PLD5: variants seen among roughly 807,000 people sequenced by gnomAD.
PLD5 encodes the protein phospholipase D family member 5, also known as inactive phospholipase D5.
PLD5 carries 36 observed loss-of-function variants against 61.1 expected under a neutral mutation model. The ratio of observed to expected loss-of-function variants is 0.59; its 90% confidence interval spans 0.45 to 0.78. PLD5 has a LOEUF of 0.78. Ranked by LOEUF, PLD5 falls within the 30% of genes least tolerant of loss-of-function variation. The probability of loss-of-function intolerance (pLI) is 0.00; values close to 1 mark genes in which losing one functional copy is unlikely to be tolerated. For missense variants in PLD5, 515 were observed against 644.4 expected, an observed-to-expected ratio of 0.80 and a Z score of 2.17; for synonymous variants, 243 against 242.8, an observed-to-expected ratio of 1.00 and a Z score of -0.01.
intron 1 of PLD5, among the ~76,000 whole-genome samples, chr1:242,511,643 C>G (rs1439168436): frequency 1.3e-5 from 2 of 151,634 alleles, no homozygotes; most frequent in Admixed American, 6.6e-5. Flanking sequence ...AAGACCTGAT[C>G]TGTATGCCTT....
At chr1:242,252,326 T>A (rs1234699428) in intron 4 of PLD5, among the ~76,000 whole-genome samples, 1 of 152,004 alleles carries the variant, frequency 6.6e-6, no homozygotes, top group East Asian at 1.9e-4. Flanking sequence ...GTCCACGGAG[T>A]CACAGAAGTA....
At chr1:242,230,575 T>C (rs1671235254) in intron 4 of PLD5, among the ~76,000 whole-genome samples, 1 of 152,162 alleles carries the variant, frequency 6.6e-6, no homozygotes, top group African/African-American at 2.4e-5. Flanking sequence ...ATTACCAACA[T>C]TTTAGAATTC....
At chr1:242,279,278 A>C (rs997289441) in intron 3 of PLD5, among the ~76,000 whole-genome samples, 4 of 152,186 alleles carry the variant, frequency 2.6e-5, no homozygotes, top group Non-Finnish European at 5.9e-5. Context: ...AAAGTTGAAC[A>C]ATGTTTATTA....
chr1:242,508,850 G>A (rs189287734), intron 1 of PLD5, among the ~76,000 whole-genome samples: 12 of 152,320 alleles, frequency 7.9e-5, no homozygotes, highest in Admixed American at 6.5e-4. Flanking sequence ...GGAGGCCAAG[G>A]CAGGTGGATC....
At chr1:242,452,822 C>T (rs974702414) in intron 1 of PLD5, among the ~76,000 whole-genome samples, 7 of 152,018 alleles carry the variant, frequency 4.6e-5, no homozygotes, top group African/African-American at 1.7e-4. Context: ...CCCCCCACCC[C>T]TGATGTGGAC....
At chr1:242,349,297 G>A (rs1660341089) in intron 1 of PLD5, among the ~76,000 whole-genome samples, 1 of 152,162 alleles carries the variant, frequency 6.6e-6, no homozygotes, top group Non-Finnish European at 1.5e-5. Flanking sequence ...GCTTCAGAGA[G>A]AATAGATTGT....
chr1:242,396,574 C>T (rs1663582871), intron 1 of PLD5, among the ~76,000 whole-genome samples: 2 of 152,094 alleles, frequency 1.3e-5, no homozygotes, highest in South Asian at 2.1e-4. Context: ...GCTCCCAATC[C>T]TCACCTTACT....
chr1:242,228,193 A>T (rs183292747), intron 4 of PLD5, among the ~76,000 whole-genome samples: 2 of 152,318 alleles, frequency 1.3e-5, no homozygotes, highest in African/African-American at 4.8e-5. Context: ...TCCAGTGAAG[A>T]TAAGGAAAGT....
intron 6 of PLD5, among the ~76,000 whole-genome samples, chr1:242,120,174 G>A (rs991155138): frequency 6.6e-5 from 10 of 152,194 alleles, no homozygotes; most frequent in South Asian, 2.1e-4. Context: ...CTGAGAGAAG[G>A]GAAAATAGTG....
At chr1:242,153,212 G>A (rs1466596650) in intron 5 of PLD5, among the ~76,000 whole-genome samples, 2 of 151,266 alleles carry the variant, frequency 1.3e-5, no homozygotes, top group Non-Finnish European at 2.9e-5. Context: ...TTTTTTTCTT[G>A]TAAATTTGTG....
At chr1:242,449,609 C>T (rs1408630217) in intron 1 of PLD5, 17 of 1,095,764 alleles carry the variant, frequency 1.6e-5, no homozygotes, top group Non-Finnish European at 2.1e-5. Flanking sequence ...CTCTTAAAAA[C>T]ATAGGCCCCT....
intron 5 of PLD5, among the ~76,000 whole-genome samples, chr1:242,212,868 C>T (rs755462149): frequency 1.2e-4 from 18 of 152,206 alleles, no homozygotes; most frequent in Admixed American, 3.3e-4. Context: ...CTACCCCTGA[C>T]GTGGCTCTTT....
At position 242,378,138 on chromosome 1, in the gene PLD5, G is replaced by A. The variant is rs138748605; in HGVS notation, c.190-29896C>T. On this transcript the variant is annotated intron_variant, in intron 1 of 9. Transcript: ENST00000536534. The stretch of plus-strand genomic sequence containing the variant: ...ACTCAAATTAGGAGATGAATGGATC[G>A]ACAAAATGTGATAAGCACATAGGAC... 3.9e-4 allele frequency among the ~76,000 whole-genome samples: 60 copies of A among 152,292 alleles called. 1 individual carries two copies. In the East Asian group the frequency reaches 7.5e-3, roughly 19 times the overall value.
chr1:242,202,211 T>G (rs1242774082), intron 5 of PLD5, among the ~76,000 whole-genome samples: 9 of 151,526 alleles, frequency 5.9e-5, no homozygotes, highest in Admixed American at 5.9e-4. Flanking sequence ...AGACTCTGTA[T>G]CCAAAAAACA....
At chr1:242,220,586 T>A (rs901206383) in intron 4 of PLD5, among the ~76,000 whole-genome samples, 9 of 152,294 alleles carry the variant, frequency 5.9e-5, no homozygotes, top group Non-Finnish European at 1.2e-4. Flanking sequence ...CATTATGCTT[T>A]CTATACATTT....
chr1:242,133,353 G>T (rs1663452669), intron 5 of PLD5, among the ~76,000 whole-genome samples: 1 of 152,140 alleles, frequency 6.6e-6, no homozygotes, highest in Non-Finnish European at 1.5e-5. Flanking sequence ...CCTCTAGAGG[G>T]TATTTACACC....
chr1:242,327,487 T>G (rs1405145148), intron 2 of PLD5, among the ~76,000 whole-genome samples: 2 of 152,204 alleles, frequency 1.3e-5, no homozygotes, highest in African/African-American at 2.4e-5. Flanking sequence ...AACAGAACAA[T>G]GTGCTGAACA....
At chr1:242,399,855 G>T (rs1663822348) in intron 1 of PLD5, among the ~76,000 whole-genome samples, 1 of 151,982 alleles carries the variant, frequency 6.6e-6, no homozygotes, top group African/African-American at 2.4e-5. Context: ...GTAGGCGAGG[G>T]ATCTAGGCTG....
At chr1:242,190,530 C>T (rs560258180) in intron 5 of PLD5, among the ~76,000 whole-genome samples, 9 of 152,054 alleles carry the variant, frequency 5.9e-5, no homozygotes, top group Admixed American at 4.6e-4. Context: ...CAGAGTCCTC[C>T]GCATCACAAA....
Sources: allele counts gnomAD v4.1 joint callset (sites outside exome capture counted in the v4.1 genomes callset), GRCh38; gene constraint gnomAD v4.1.1; transcripts MANE v1.5; gene names NCBI Gene and HGNC (gene_info 2026-07-23, HGNC 2026-07-21).